Variants in WWTR1 observed in about 807,000 individuals in gnomAD.
The protein encoded by WWTR1 is WW domain containing transcription regulator 1.
In WWTR1, 13 loss-of-function variants were observed where a neutral mutation model predicts 40.1. That is an observed-to-expected ratio of 0.32 (90% CI 0.21 to 0.52). The LOEUF (loss-of-function observed/expected upper bound fraction) is 0.52. Ranked by LOEUF, WWTR1 falls within the 20% of genes least tolerant of loss-of-function variation. The pLI is 0.97. For missense variants in WWTR1, 436 were observed against 523.1 expected (o/e 0.83, Z 1.63); for synonymous variants, 230 against 210.1 (o/e 1.09, Z -0.82).
intron 2 of WWTR1, among the ~76,000 whole-genome samples, chr3:149,585,162 T>C (rs1738361132): frequency 1.2e-5 from 1 of 85,564 alleles, no homozygotes; most frequent in African/African-American, 3.9e-5. Flanking sequence ...GTGTTTAAGA[T>C]GGAGTTTCAC....
At chr3:149,582,732 AAAT>A (rs141216418) in intron 2 of WWTR1, among the ~76,000 whole-genome samples, 13,515 of 152,080 alleles carry the variant, frequency 0.089, 687 homozygotes, top group Non-Finnish European at 0.12. Flanking sequence ...TCTGTCTCAA[AAAT>A]AATAATAAAA....
At chr3:149,680,560 C>CCAAA (rs980662329) in intron 1 of WWTR1, among the ~76,000 whole-genome samples, 24 of 131,956 alleles carry the variant, frequency 1.8e-4, no homozygotes, top group Non-Finnish European at 2.7e-4. Flanking sequence ...AACCAACCAA[C>CCAAA]CAAACAAACA....
upstream of WWTR1, among the ~76,000 whole-genome samples, chr3:149,662,813 T>G (rs1046489930): frequency 6.6e-6 from 1 of 152,202 alleles, no homozygotes; most frequent in African/African-American, 2.4e-5. Context: ...GATCCAGTAA[T>G]AAAGTATCTT....
intron 3 of WWTR1, among the ~76,000 whole-genome samples, chr3:149,550,912 T>C (rs1038409914): frequency 1.4e-5 from 2 of 144,754 alleles, no homozygotes; most frequent in Admixed American, 6.9e-5. Context: ...AAATTATCTA[T>C]CTTTTAGTTT....
intron 2 of WWTR1, among the ~76,000 whole-genome samples, chr3:149,606,981 G>A (rs769378165): frequency 6.6e-6 from 1 of 152,234 alleles, no homozygotes; most frequent in Non-Finnish European, 1.5e-5. Flanking sequence ...GTGATACACA[G>A]TGAATGCTTT....
intron 1 of WWTR1, among the ~76,000 whole-genome samples, chr3:149,684,139 A>T (rs1050055887): frequency 1.3e-5 from 2 of 152,162 alleles, no homozygotes; most frequent in Non-Finnish European, 2.9e-5. Flanking sequence ...TTACTGGTAC[A>T]TGCATAGATT....
chr3:149,542,537 A>C lies in WWTR1; in HGVS notation c.569T>G (p.Val190Gly). The change falls in exon 4 of 7, where the codon GTG (valine) becomes GGG (glycine). Residue 190 changes from valine to glycine, a missense_variant and splice_region_variant. Val to Gly is a moderately radical substitution (Grantham distance 109). Transcript: ENST00000360632. ...RSMAVSQPNL[V>G]MNHQHQQQMA... ...CTGCTGCTGGTGTTGGTGATTCATC[A>C]CTGCAAGAGGGAAGAACATACAGAT... 1 of 1,609,472 alleles carries C rather than the reference A, an allele frequency of 6.2e-7. No individual in the cohort carries two copies. Among genetic ancestry groups the C allele is most frequent in the Non-Finnish European group, 8.5e-7 (1 of 1,177,346 alleles).
chr3:149,605,402 A>G (rs1739440087), intron 2 of WWTR1, among the ~76,000 whole-genome samples: 1 of 152,138 alleles, frequency 6.6e-6, no homozygotes, highest in African/African-American at 2.4e-5. Flanking sequence ...GGAGCAGGTT[A>G]TGGAGGAAAT....
At chr3:149,645,269 T>C (rs546469682) in intron 2 of WWTR1, among the ~76,000 whole-genome samples, 99 of 151,292 alleles carry the variant, frequency 6.5e-4, no homozygotes, top group South Asian at 1.3e-3. Flanking sequence ...TTAGTAGAGA[T>C]GGGGTTTCAC....
At position 149,542,476 on chromosome 3, in the gene WWTR1, G is replaced by A. The variant is rs527474538; in HGVS notation, c.630C>T (p.Pro210=). The A allele has an allele frequency of 7.4e-6, 12 of 1,614,016 alleles. No individual in the cohort carries two copies. The South Asian group carries it at 1.2e-4, about 16-fold the overall frequency. Residue 210 remains proline, a synonymous_variant, in exon 4 of 7, where the codon CCC becomes CCT. Coordinates refer to ENST00000360632, the MANE Select transcript of WWTR1 (RefSeq NM_015472.6). ...TGAGCCCTGCGGGTGGGTTCTGAGTGGGGTGGTTCTGCTGGCTCAGGGTAC... is the reference window on the plus strand; with the variant it reads ...TGAGCCCTGCGGGTGGGTTCTGAGTAGGGTGGTTCTGCTGGCTCAGGGTAC... The part of the protein sequence containing the change: ...APSTLSQQNH[P]TQNPPAGLMS...
At chr3:149,653,660 G>A (rs1713028823) in intron 2 of WWTR1, among the ~76,000 whole-genome samples, 2 of 152,072 alleles carry the variant, frequency 1.3e-5, no homozygotes, top group South Asian at 4.2e-4. Flanking sequence ...ATGACAAAAG[G>A]CTTTTTTAAA....
intron 3 of WWTR1, among the ~76,000 whole-genome samples, chr3:149,547,727 A>G (rs568977101): frequency 6.6e-6 from 1 of 152,132 alleles, no homozygotes; most frequent in African/African-American, 2.4e-5. Context: ...TAAAGCAGGG[A>G]CATCTTTTTT....
intron 3 of WWTR1, among the ~76,000 whole-genome samples, chr3:149,553,611 A>G (rs1439151028): frequency 6.6e-6 from 1 of 152,188 alleles, no homozygotes; most frequent in Non-Finnish European, 1.5e-5. Context: ...CCATCAGCCA[A>G]TGGTAGACCT....
upstream of WWTR1, among the ~76,000 whole-genome samples, chr3:149,705,824 A>G (rs975805861): frequency 2.0e-5 from 3 of 152,210 alleles, no homozygotes; most frequent in African/African-American, 7.2e-5. Flanking sequence ...TCAAAGTTTC[A>G]TATAATTGGG....
At chr3:149,616,873 G>A (rs375903668) in intron 2 of WWTR1, among the ~76,000 whole-genome samples, 4 of 152,104 alleles carry the variant, frequency 2.6e-5, no homozygotes, top group African/African-American at 7.2e-5. Context: ...ACTACATCCC[G>A]CAGTCCCAGC....
chr3:149,652,050 A>G (rs146015729), intron 2 of WWTR1, among the ~76,000 whole-genome samples: 1,301 of 122,272 alleles, frequency 0.011, 15 homozygotes, highest in East Asian at 0.043. Flanking sequence ...TCACGGTGTT[A>G]GCCAGGATGA....
At chr3:149,593,141 A>G (rs796777691) in intron 2 of WWTR1, among the ~76,000 whole-genome samples, 21 of 152,360 alleles carry the variant, frequency 1.4e-4, no homozygotes, top group African/African-American at 4.8e-4. Context: ...ACAAATAGGC[A>G]TGCTGCCATC....
intron 2 of WWTR1, among the ~76,000 whole-genome samples, chr3:149,603,089 G>T (rs575802545): frequency 1.3e-5 from 2 of 152,152 alleles, no homozygotes; most frequent in Non-Finnish European, 2.9e-5. Context: ...CTTTGGGCAA[G>T]AATTTTTAAG....
chr3:149,655,043 G>A lies in WWTR1; in HGVS notation c.431+1833C>T, dbSNP rs929056264. ...CGGGAGGCTGAGGCAGGAGAATGGC[G>A]TGAACCCGGTAGGCGGAGCTTGCAG... is the stretch of plus-strand genomic sequence containing the variant. On this transcript the variant is annotated intron_variant, in intron 2 of 6. Coordinates refer to ENST00000360632, the MANE Select transcript of WWTR1 (RefSeq NM_015472.6). Among the ~76,000 whole-genome samples, 4 of 149,126 alleles carry A rather than the reference G, an allele frequency of 2.7e-5. No individual in the cohort carries two copies. In the East Asian group the frequency reaches 6.0e-4, roughly 22 times the overall value.
Sources: allele counts gnomAD v4.1 joint callset (sites outside exome capture counted in the v4.1 genomes callset), GRCh38; gene constraint gnomAD v4.1.1; transcripts MANE v1.5; gene names NCBI Gene and HGNC (gene_info 2026-07-23, HGNC 2026-07-21).